Variants in CNST observed in about 807,000 individuals in gnomAD.
CNST encodes consortin.
In CNST, 39 loss-of-function variants were observed where a neutral mutation model predicts 72.4. The observed-to-expected ratio is 0.54, with a 90% CI of 0.42 to 0.70. The LOEUF (loss-of-function observed/expected upper bound fraction) is 0.70, where lower values mean the gene tolerates loss of function less well. Ranked by LOEUF, CNST falls within the 30% of genes least tolerant of loss-of-function variation. The pLI is 0.00. For synonymous variants in CNST, 332 were observed against 320.1 expected (o/e 1.04, Z -0.40); for missense variants, 871 against 868.5 (o/e 1.00, Z -0.04).
chr1:246,634,257 A>C (rs1209223235), intron 5 of CNST: 1 of 561,346 alleles, frequency 1.8e-6, no homozygotes, highest in Admixed American at 3.5e-5. Flanking sequence ...CATTTTTCCT[A>C]ATCACATTTC....
intron 5 of CNST, 122 bp downstream of exon 5, chr1:246,634,132 A>G: frequency 1.5e-6 from 1 of 686,880 alleles, no homozygotes; most frequent in Non-Finnish European, 2.5e-6. Context: ...AAACAAGTTA[A>G]TGTTGCAAAG....
chr1:246,619,385 C>G (rs924669736), intron 2 of CNST, among the ~76,000 whole-genome samples: 20 of 152,156 alleles, frequency 1.3e-4, no homozygotes, highest in African/African-American at 4.6e-4. Flanking sequence ...AGAGAATTCT[C>G]TAAAATACAA....
chr1:246,652,477 G>A (rs923287911), intron 9 of CNST, among the ~76,000 whole-genome samples: 9 of 152,216 alleles, frequency 5.9e-5, no homozygotes, highest in Non-Finnish European at 1.3e-4. Context: ...ATCATAGTAT[G>A]TAATTCAGAG....
Position 246,647,954 on chromosome 1 carries a change from T to C in CNST, c.1753T>C (p.Ser585Pro), listed in dbSNP as rs755561197. ...TCAAGATCTCTCTCCTGAAGAAGCATCCTATAGTCTCCAGGAGAATCTGCC... is the reference window on the plus strand; with the variant it reads ...TCAAGATCTCTCTCCTGAAGAAGCACCCTATAGTCTCCAGGAGAATCTGCC... ...LLQDLSPEEA[S>P]YSLQENLPSD... Residue 585 changes from serine to proline, a missense_variant, in exon 9 of 11, where the codon TCC (serine) becomes CCC (proline). Transcript: ENST00000366513. 6.2e-7 allele frequency: 1 copy of C among 1,613,138 alleles called. No homozygotes were observed. Among genetic ancestry groups the C allele is most frequent in the South Asian group, 1.1e-5 (1 of 91,076 alleles).
intron 1 of CNST, among the ~76,000 whole-genome samples, chr1:246,583,780 T>C (rs931606147): frequency 6.6e-6 from 1 of 152,198 alleles, no homozygotes; most frequent in African/African-American, 2.4e-5. Context: ...AATTAGCACT[T>C]GTATTGCATA....
intron 2 of CNST, among the ~76,000 whole-genome samples, chr1:246,604,373 A>G (rs1176016359): frequency 6.6e-6 from 1 of 152,166 alleles, no homozygotes; most frequent in Admixed American, 6.5e-5. Context: ...TGATGTAACA[A>G]TTTTCTGTAA....
chr1:246,639,398 AAG>A (rs1364290033), intron 6 of CNST, among the ~76,000 whole-genome samples: 4 of 152,100 alleles, frequency 2.6e-5, no homozygotes, highest in African/African-American at 7.2e-5. Flanking sequence ...AGTCCTAGAA[AAG>A]AGAGAATTTC....
At chr1:246,652,360 C>G (rs1023474065) in intron 9 of CNST, among the ~76,000 whole-genome samples, 2 of 152,166 alleles carry the variant, frequency 1.3e-5, no homozygotes, top group African/African-American at 4.8e-5. Context: ...CTTGTACAGA[C>G]TCTTACACAC....
intron 3 of CNST, 78 bp from the exon 4 acceptor site, chr1:246,631,816 G>T: frequency 1.1e-6 from 1 of 908,060 alleles, no homozygotes; most frequent in Non-Finnish European, 1.8e-6. Context: ...GGAATTTCAA[G>T]ATCTTAATTT....
At chr1:246,604,211 G>A (rs768493775) in intron 2 of CNST, among the ~76,000 whole-genome samples, 32 of 151,896 alleles carry the variant, frequency 2.1e-4, no homozygotes, top group Non-Finnish European at 3.2e-4. Context: ...CCGATATCGC[G>A]CCATTGCACT....
At chr1:246,616,220 A>C (rs1173870264) in intron 2 of CNST, among the ~76,000 whole-genome samples, 1 of 152,130 alleles carries the variant, frequency 6.6e-6, no homozygotes, top group Non-Finnish European at 1.5e-5. Context: ...TTTCTCCTTA[A>C]CTATAAATAT....
intron 2 of CNST, among the ~76,000 whole-genome samples, chr1:246,609,145 GAGGTC>G (rs1199826613): frequency 2.0e-5 from 3 of 152,204 alleles, no homozygotes; most frequent in East Asian, 3.9e-4. Context: ...CTTTTGGCCC[GAGGTC>G]AGGTCAGAAG....
chr1:246,657,312 A>G (rs1444323260), intron 9 of CNST, among the ~76,000 whole-genome samples: 1 of 152,076 alleles, frequency 6.6e-6, no homozygotes, highest in Non-Finnish European at 1.5e-5. Context: ...CTTGTTCTCC[A>G]TCTGTAGGCT....
intron 10 of CNST, among the ~76,000 whole-genome samples, chr1:246,665,213 A>C (rs987579966): frequency 6.6e-6 from 1 of 151,992 alleles, no homozygotes; most frequent in Non-Finnish European, 1.5e-5. Context: ...CTACCAAAAA[A>C]TAAAAAATAA....
chr1:246,572,089 C>G (rs1384739794), intron 1 of CNST, among the ~76,000 whole-genome samples: 1 of 152,044 alleles, frequency 6.6e-6, no homozygotes, highest in African/African-American at 2.4e-5. Flanking sequence ...CAGTCACAGC[C>G]ATGCCTGGGA....
In CNST at chr1:246,667,156, G is replaced by A. The variant is rs1354575869; in HGVS notation, c.*1251G>A. 1 of 151,750 alleles carries A rather than the reference G, an allele frequency of 6.6e-6. No individual in the cohort carries two copies. Among genetic ancestry groups the A allele is most frequent in the African/African-American group, 2.4e-5 (1 of 41,300 alleles). The allele number at this position is 151,750 out of a possible 1,614,324, so 9.4% of individuals were successfully genotyped here. On this transcript the variant is annotated 3_prime_UTR_variant, in exon 11 of 11. Transcript: ENST00000366513. ...AAAACAACAAAGAAAAACCAAACAT[G>A]AATTATAGTTTTTAACAAGTGATCT...
Position 246,591,960 on chromosome 1 carries a change from T to C in CNST, c.379+19T>C, listed in dbSNP as rs765209006. On this transcript the variant is annotated intron_variant, in intron 2 of 10. Transcript: ENST00000366513. ...CCACCAGGTATTGTTTAAAATAGTA[T>C]TTATCCTCTTCTTTAATTAATTAAA... 6.4e-7 allele frequency: 1 copy of C among 1,566,458 alleles called. No individual in the cohort carries two copies. The highest frequency in any genetic ancestry group is 8.7e-7 in the Non-Finnish European group (1 of 1,152,302).
chr1:246,600,140 C>T (rs1260254815), intron 2 of CNST, among the ~76,000 whole-genome samples: 2 of 152,268 alleles, frequency 1.3e-5, no homozygotes, highest in South Asian at 4.1e-4. Context: ...AGATGGCAGG[C>T]GTACCATGGG....
chr1:246,647,706 A>G lies in CNST; in HGVS notation c.1505A>G (p.Asp502Gly), dbSNP rs760957226. 3 of 1,614,154 alleles carry G rather than the reference A, an allele frequency of 1.9e-6. No homozygotes were observed. The East Asian group carries it at 6.7e-5, about 36-fold the overall frequency. ...GGAAAATCACCACAGGCGCAGGCTG[A>G]CTCAGACGGTTCTGAGAATGTGCTC... Reference protein sequence around the residue: ...SDGKSPQAQADSDGSENVLCG... With the variant: ...SDGKSPQAQAGSDGSENVLCG... The change falls in exon 9 of 11, where the codon GAC becomes GGC. Residue 502 changes from aspartate to glycine, a missense_variant. Asp to Gly is a moderately conservative substitution (Grantham distance 94). Transcript: ENST00000366513.
Sources: gnomAD v4.1 joint callset for allele counts (sites outside exome capture counted in the v4.1 genomes callset) on GRCh38, gnomAD v4.1.1 for gene constraint, MANE v1.5 for transcripts, NCBI Gene and HGNC (gene_info 2026-07-23, HGNC 2026-07-21) for gene names.